The following MEIOB variants were observed in gnomAD, a reference collection of about 807,000 sequenced individuals.
MEIOB encodes the protein meiosis specific with OB-fold.
A neutral mutation model predicts 53.1 loss-of-function variants in MEIOB; 50 were observed. The ratio of observed to expected loss-of-function variants is 0.94; its 90% CI spans 0.75 to 1.19. MEIOB has a LOEUF of 1.19. Ranked by LOEUF, MEIOB falls within the 50% of genes most tolerant of loss-of-function variation. The pLI is 0.00. For missense variants in MEIOB, 551 were observed against 550.8 expected (o/e 1.00, Z 0.00); for synonymous variants, 192 against 182.5 (o/e 1.05, Z -0.42).
chr16:1,838,617 G>A lies in MEIOB; in HGVS notation c.1218+638C>T, dbSNP rs1898812120. Among the ~76,000 whole-genome samples, 3 of 152,190 alleles carry A rather than the reference G, an allele frequency of 2.0e-5. No individual in the cohort carries two copies. In the South Asian group the frequency reaches 6.2e-4, roughly 32 times the overall value. ...TTCCTAGAAAAACCACCTTATGACTGATCAACATCTCCGACTTGTTGTTTT... is the reference window on the plus strand; with the variant it reads ...TTCCTAGAAAAACCACCTTATGACTAATCAACATCTCCGACTTGTTGTTTT... On this transcript the variant is annotated intron_variant, in intron 12 of 13. Transcript: ENST00000325962.
intron 13 of MEIOB, 111 bp downstream of exon 13, chr16:1,837,673 A>C: frequency 1.7e-6 from 1 of 578,788 alleles, no homozygotes; most frequent in Non-Finnish European, 3.0e-6. Context: ...CACATCTGGG[A>C]ACTGGGCATT....
intron 3 of MEIOB, among the ~76,000 whole-genome samples, chr16:1,865,197 C>T (rs965603440): frequency 6.6e-6 from 1 of 151,736 alleles, no homozygotes; most frequent in Non-Finnish European, 1.5e-5. Flanking sequence ...TTTGGGAGGC[C>T]GAGGCAGGGA....
At chr16:1,839,206 G>T in intron 12 of MEIOB, 49 bp downstream of exon 12, 1 of 1,486,554 alleles carries the variant, frequency 6.7e-7, no homozygotes, top group East Asian at 2.4e-5. Context: ...TTGGGAAAAA[G>T]CATTCACTTT....
chr16:1,859,898 C>A (rs1430101802), intron 5 of MEIOB, among the ~76,000 whole-genome samples: 1 of 152,214 alleles, frequency 6.6e-6, no homozygotes, highest in Non-Finnish European at 1.5e-5. Flanking sequence ...CACTCCCACT[C>A]CAGAGCTCCC....
intron 10 of MEIOB, among the ~76,000 whole-genome samples, chr16:1,842,533 G>A (rs1279944224): frequency 6.9e-6 from 1 of 145,164 alleles, no homozygotes; most frequent in Non-Finnish European, 1.5e-5. Flanking sequence ...TAAGGCAGGA[G>A]AATCGCTTGA....
At chr16:1,859,660 G>A (rs1899393796) in intron 5 of MEIOB, among the ~76,000 whole-genome samples, 2 of 152,226 alleles carry the variant, frequency 1.3e-5, no homozygotes, top group South Asian at 4.1e-4. Context: ...AGGCTTGAGA[G>A]TCTGGCATAA....
At chr16:1,848,786 C>T (rs1048942472) in intron 9 of MEIOB, among the ~76,000 whole-genome samples, 3 of 151,970 alleles carry the variant, frequency 2.0e-5, no homozygotes, top group African/African-American at 4.8e-5. Flanking sequence ...TCAAGTGATC[C>T]GCCCACCTCG....
rs1596975346 is a variant in MEIOB at position 1,853,114 on chromosome 16, T to G, written c.703A>C (p.Arg235=). 1.9e-6 allele frequency: 3 copies of G among 1,612,316 alleles called. No homozygotes were observed. The South Asian group carries it at 3.3e-5, about 18-fold the overall frequency. ...TTCCGAAATTTGTCAAAATTTATTCTTACATCTGAGGCAAATATTACTGTT... is the reference window on the plus strand; with the variant it reads ...TTCCGAAATTTGTCAAAATTTATTCGTACATCTGAGGCAAATATTACTGTT... ...RETVIFASDV[R]INFDKFRNCM... Residue 235 remains arginine (R), a synonymous_variant, in exon 9 of 14, where the codon AGA becomes CGA. Transcript: ENST00000325962.
chr16:1,864,757 G>A (rs1443352135), intron 3 of MEIOB, among the ~76,000 whole-genome samples: 9 of 151,846 alleles, frequency 5.9e-5, no homozygotes, highest in Non-Finnish European at 1.3e-4. Context: ...CAAACTGCTG[G>A]GATTACAGGC....
intron 1 of MEIOB, among the ~76,000 whole-genome samples, chr16:1,870,607 A>C (rs1899719299): frequency 6.6e-6 from 1 of 152,250 alleles, no homozygotes; most frequent in Non-Finnish European, 1.5e-5. Context: ...AAGTAGAAAC[A>C]GTGTATACAA....
At chr16:1,862,641 C>A (rs1443661704) in intron 3 of MEIOB, among the ~76,000 whole-genome samples, 1 of 151,718 alleles carries the variant, frequency 6.6e-6, no homozygotes, top group African/African-American at 2.4e-5. Context: ...TAAAAATAGG[C>A]CGGGCGCAAT....
chr16:1,860,814 T>G (rs1899422996), intron 4 of MEIOB, among the ~76,000 whole-genome samples: 1 of 152,162 alleles, frequency 6.6e-6, no homozygotes, highest in South Asian at 2.1e-4. Context: ...TACATTGTCC[T>G]GAAAGTTAAC....
At chr16:1,868,865 T>TA (rs930855995) in intron 1 of MEIOB, among the ~76,000 whole-genome samples, 118 of 151,926 alleles carry the variant, frequency 7.8e-4, no homozygotes, top group African/African-American at 2.7e-3. Context: ...AAAGAATAAA[T>TA]AAATAAAATA....
At chr16:1,843,711 A>G (rs367561940) in intron 10 of MEIOB, among the ~76,000 whole-genome samples, 51 of 152,164 alleles carry the variant, frequency 3.4e-4, no homozygotes, top group African/African-American at 9.4e-4. Context: ...AAAAAAAAAA[A>G]AGAGAATTCC....
In MEIOB at chr16:1,870,206, T is replaced by C. The variant is rs561752872; in HGVS notation, c.-10+1787A>G. On this transcript the variant is annotated intron_variant, in intron 1 of 13. Coordinates refer to ENST00000325962, the MANE Select transcript of MEIOB (RefSeq NM_001163560.3). ...TATTGATTTTAAACACACCTCTACA[T>C]AGTAAAACTACATGAGGGCAGAGGT... Among the ~76,000 whole-genome samples the C allele has an allele frequency of 4.6e-5, 7 of 152,324 alleles. No individual in the cohort carries two copies. In the South Asian group the frequency reaches 1.4e-3, roughly 32 times the overall value.
At chr16:1,861,880 A>C in intron 4 of MEIOB, 105 bp downstream of exon 4, 1 of 1,181,758 alleles carries the variant, frequency 8.5e-7, no homozygotes, top group East Asian at 2.6e-5. Context: ...AGTTCTTGAG[A>C]ATTACGAACT....
intron 13 of MEIOB, among the ~76,000 whole-genome samples, chr16:1,835,914 C>T (rs1286010587): frequency 6.6e-6 from 1 of 150,436 alleles, no homozygotes; most frequent in Non-Finnish European, 1.5e-5. Flanking sequence ...GGCTGGAGTG[C>T]AGTGGTGAGA....
At chr16:1,850,755 A>T (rs889264466) in intron 9 of MEIOB, among the ~76,000 whole-genome samples, 1 of 151,410 alleles carries the variant, frequency 6.6e-6, no homozygotes, top group African/African-American at 2.4e-5. Context: ...CCCATCTCTA[A>T]TAAAAAATAC....
chr16:1,869,474 G>A (rs1399364623), intron 1 of MEIOB, among the ~76,000 whole-genome samples: 2 of 151,550 alleles, frequency 1.3e-5, no homozygotes, highest in Non-Finnish European at 2.9e-5. Flanking sequence ...TTGAGATGGA[G>A]TTTCACTCTG....
Sources: allele counts gnomAD v4.1 joint callset (sites outside exome capture counted in the v4.1 genomes callset), GRCh38; gene constraint gnomAD v4.1.1; transcripts MANE v1.5; gene names NCBI Gene and HGNC (gene_info 2026-07-23, HGNC 2026-07-21).